Variants in NLRP5 observed in about 807,000 individuals in gnomAD.
The protein encoded by NLRP5 is NACHT, LRR and PYD domains-containing protein 5.
A neutral mutation model predicts 113.1 loss-of-function variants in NLRP5; 93 were observed. The ratio of observed to expected loss-of-function variants is 0.82; its 90% confidence interval spans 0.70 to 0.98. NLRP5 has a LOEUF of 0.98. Ranked by LOEUF, NLRP5 falls within the 50% of genes least tolerant of loss-of-function variation. The pLI is 0.00. For synonymous variants in NLRP5, 751 were observed against 600.7 expected (o/e 1.25, Z -3.66); for missense variants, 1,808 against 1,514.3 (o/e 1.19, Z -3.22).
the NLRP5 span, chr19:55,988,079 T>C: frequency 5.0e-6 from 3 of 596,224 alleles, no homozygotes; most frequent in South Asian, 1.8e-5. Flanking sequence ...GTGAGGACGG[T>C]GATGCCCTGT....
At chr19:55,987,834 G>T in the NLRP5 span, 2 of 1,613,836 alleles carry the variant, frequency 1.2e-6, no homozygotes, top group East Asian at 2.2e-5. Context: ...GCCTGGACTC[G>T]AATAACTAGC....
At chr19:56,053,892 G>C in intron 13 of NLRP5, 84 bp downstream of exon 13, 1 of 1,290,074 alleles carries the variant, frequency 7.8e-7, no homozygotes, top group Middle Eastern at 2.7e-4. Context: ...CAGGGATGAT[G>C]ATGATCTGGT....
intron 3 of NLRP5, among the ~76,000 whole-genome samples, chr19:56,012,899 G>A (rs1982252683): frequency 6.6e-6 from 1 of 151,436 alleles, no homozygotes; most frequent in African/African-American, 2.4e-5. Flanking sequence ...TACTTTCCTT[G>A]CTTTTTTAAA....
intron 3 of NLRP5, among the ~76,000 whole-genome samples, chr19:56,013,497 C>G (rs563480912): frequency 1.3e-5 from 2 of 150,788 alleles, no homozygotes; most frequent in Non-Finnish European, 3.0e-5. Flanking sequence ...TTGTCAATAT[C>G]ATAGCCTGTC....
rs553651739 is a variant in NLRP5 at position 56,023,497 on chromosome 19, G to A, written c.679+3066G>A. On this transcript the variant is annotated intron_variant, in intron 6 of 14. Coordinates refer to ENST00000390649, the MANE Select transcript of NLRP5 (RefSeq NM_153447.4). ...AAAACTCCACAAAGTTCCAAAAAGC[G>A]AAATCCGAATTTGCTACATGCTGAG... Among the ~76,000 whole-genome samples, 47 of 152,292 alleles carry A rather than the reference G, an allele frequency of 3.1e-4. No individual in the cohort carries two copies. The South Asian group carries it at 5.2e-3, about 17-fold the overall frequency.
chr19:56,028,268 A>G lies in NLRP5; in HGVS notation c.2035A>G (p.Thr679Ala), dbSNP rs1442782311. The G allele has an allele frequency of 1.9e-6, 3 of 1,613,792 alleles. No individual in the cohort carries two copies. The highest frequency in any genetic ancestry group is 1.7e-5 in the Admixed American group (1 of 59,976). Residue 679 changes from threonine to alanine, a missense_variant, in exon 7 of 15, where the codon ACC becomes GCC. By Grantham distance (58) the Thr-to-Ala change is moderately conservative. Transcript: ENST00000390649. ...TCTGTTGGGTCAGCAGCCTAATGCC[A>G]CCACCCCAGGAGACACCCTGGACGC...
At chr19:56,016,102 C>T (rs1237339845) in intron 4 of NLRP5, among the ~76,000 whole-genome samples, 7 of 152,150 alleles carry the variant, frequency 4.6e-5, no homozygotes, top group African/African-American at 1.7e-4. Context: ...ATCAGGGTAA[C>T]TAGTGTATCC....
At chr19:56,034,008 G>A (rs943562713) in intron 9 of NLRP5, among the ~76,000 whole-genome samples, 4 of 152,216 alleles carry the variant, frequency 2.6e-5, no homozygotes, top group African/African-American at 9.6e-5. Flanking sequence ...GGGCTCAGGT[G>A]GTCCTCCCCG....
At chr19:56,060,423 A>G (rs1043270500) in intron 14 of NLRP5, among the ~76,000 whole-genome samples, 1 of 152,218 alleles carries the variant, frequency 6.6e-6, no homozygotes, top group African/African-American at 2.4e-5. Context: ...GCAAAACGAC[A>G]TATAATGAAA....
At chr19:55,987,806 C>A in the NLRP5 span, 1 of 1,607,152 alleles carries the variant, frequency 6.2e-7, no homozygotes, top group Non-Finnish European at 8.5e-7. Context: ...TCCTTTACCT[C>A]CCTCCAGCTG....
intron 5 of NLRP5, among the ~76,000 whole-genome samples, chr19:56,019,999 A>G (rs1180960229): frequency 6.6e-6 from 1 of 151,596 alleles, no homozygotes; most frequent in Non-Finnish European, 1.5e-5. Context: ...ACTGTGCCCG[A>G]CTAATTTTTG....
chr19:55,996,965 G>T (rs1325959305), upstream of NLRP5, among the ~76,000 whole-genome samples: 1 of 152,110 alleles, frequency 6.6e-6, no homozygotes, highest in Non-Finnish European at 1.5e-5. Flanking sequence ...GCGTAAAAGT[G>T]TTTCTATTTC....
upstream of NLRP5, among the ~76,000 whole-genome samples, chr19:55,996,132 C>T (rs1311519467): frequency 6.6e-6 from 1 of 152,076 alleles, no homozygotes; most frequent in Admixed American, 6.6e-5. Context: ...CCCTTTGTTT[C>T]TTTTTCTTCC....
chr19:56,050,324 A>G, intron 11 of NLRP5, 94 bp from the exon 12 acceptor site: 1 of 1,214,126 alleles, frequency 8.2e-7, no homozygotes, highest in Non-Finnish European at 1.2e-6. Flanking sequence ...CCTACACAGA[A>G]GCAGACTGCA....
chr19:56,058,746 A>G (rs1254096538), intron 14 of NLRP5, among the ~76,000 whole-genome samples: 1 of 152,228 alleles, frequency 6.6e-6, no homozygotes, highest in Non-Finnish European at 1.5e-5. Flanking sequence ...AAAAGAATTA[A>G]AAGGAAGATC....
At position 56,061,556 on chromosome 19, in the gene NLRP5, C is replaced by G; in HGVS notation, c.*28C>G. The G allele has an allele frequency of 1.2e-6, 2 of 1,612,996 alleles. No homozygotes were observed. Among genetic ancestry groups the G allele is most frequent in the Non-Finnish European group, 8.5e-7 (1 of 1,179,260 alleles). On this transcript the variant is annotated 3_prime_UTR_variant, in exon 15 of 15. Transcript: ENST00000390649. ...ATACGGAAACCTGCCCCACTCACAC[C>G]CATCTGATGGAGGAACTTTAAACGC...
intron 11 of NLRP5, among the ~76,000 whole-genome samples, chr19:56,044,374 T>A (rs1983645273): frequency 2.0e-5 from 3 of 152,210 alleles, no homozygotes; most frequent in African/African-American, 7.2e-5. Context: ...CTCTAATACA[T>A]CTTGAGCTGA....
At chr19:55,993,741 G>C in the NLRP5 span, among the ~76,000 whole-genome samples, 6 of 149,898 alleles carry the variant, frequency 4.0e-5, no homozygotes, top group East Asian at 1.0e-3. Flanking sequence ...TCCCATGCCT[G>C]GTTTATTTTG....
chr19:56,053,319 C>T lies in NLRP5; in HGVS notation c.3129-319C>T, dbSNP rs1164126751. Among the ~76,000 whole-genome samples the T allele has an allele frequency of 3.9e-5, 6 of 152,108 alleles. No individual in the cohort carries two copies. The South Asian group carries it at 1.0e-3, about 26-fold the overall frequency. ...CTGAGGAAGGGAGAATAGCTTGAACCTGGGAGGTGGAGGTTGCAGTGAGCC... is the reference window on the plus strand; with the variant it reads ...CTGAGGAAGGGAGAATAGCTTGAACTTGGGAGGTGGAGGTTGCAGTGAGCC... On this transcript the variant is annotated intron_variant, in intron 12 of 14. Coordinates refer to ENST00000390649, the MANE Select transcript of NLRP5 (RefSeq NM_153447.4).
Sources: allele counts gnomAD v4.1 joint callset (sites outside exome capture counted in the v4.1 genomes callset), GRCh38; gene constraint gnomAD v4.1.1; transcripts MANE v1.5; gene names NCBI Gene and HGNC (gene_info 2026-07-23, HGNC 2026-07-21).